The following LTBP2 variants were observed in gnomAD, a reference collection of about 807,000 sequenced individuals.
The protein encoded by LTBP2 is latent transforming growth factor beta binding protein 2, also known as latent-transforming growth factor beta-binding protein 2.
A neutral mutation model predicts 210.6 loss-of-function variants in LTBP2; 103 were observed. That is an observed-to-expected ratio of 0.49 (90% CI 0.42 to 0.58). LTBP2 has a LOEUF of 0.58. LTBP2 is among the 20% of genes least tolerant of loss of function. The pLI is 0.00. For synonymous variants in LTBP2, 1,007 were observed against 1,015.0 expected, an observed-to-expected ratio of 0.99 and a Z score of 0.15; for missense variants, 2,313 against 2,494.5, an observed-to-expected ratio of 0.93 and a Z score of 1.55.
chr14:74,583,055 C>A (rs2088158488), intron 3 of LTBP2, among the ~76,000 whole-genome samples: 1 of 152,226 alleles, frequency 6.6e-6, no homozygotes, highest in African/African-American at 2.4e-5. Context: ...CAGACAACAG[C>A]TGGACAGCAT....
At chr14:74,525,470 T>C (rs1448834104) in intron 14 of LTBP2, among the ~76,000 whole-genome samples, 3 of 152,208 alleles carry the variant, frequency 2.0e-5, no homozygotes, top group Non-Finnish European at 4.4e-5. Context: ...CTTGCAGAAA[T>C]GGTCACTTGT....
intron 2 of LTBP2, among the ~76,000 whole-genome samples, chr14:74,591,074 ACAC>A (rs1161815712): frequency 6.6e-6 from 1 of 152,230 alleles, no homozygotes; most frequent in Non-Finnish European, 1.5e-5. Context: ...CCCCTACGGC[ACAC>A]CACGACTCAC....
intron 33 of LTBP2, 28 bp downstream of exon 33, chr14:74,503,191 G>A: frequency 6.2e-7 from 1 of 1,612,552 alleles, no homozygotes. Flanking sequence ...GCCCAGCCCT[G>A]CAGGGTATCC....
chr14:74,589,098 C>A (rs1018066551), intron 2 of LTBP2, among the ~76,000 whole-genome samples: 1 of 152,180 alleles, frequency 6.6e-6, no homozygotes, highest in Non-Finnish European at 1.5e-5. Flanking sequence ...GACCCCAGGA[C>A]CACACACCCT....
chr14:74,518,542 C>T (rs1181862175), intron 17 of LTBP2, among the ~76,000 whole-genome samples: 1 of 152,206 alleles, frequency 6.6e-6, no homozygotes, highest in Non-Finnish European at 1.5e-5. Flanking sequence ...GCCCAGCTTT[C>T]AGTGTACCTG....
Position 74,500,191 on chromosome 14 carries a change from A to G in LTBP2, c.*693T>C. On this transcript the variant is annotated 3_prime_UTR_variant, in exon 36 of 36. Coordinates refer to ENST00000261978, the MANE Select transcript of LTBP2 (RefSeq NM_000428.3). ...TCATCAACTCCACGTATTTTTCATC[A>G]TGTCCTCTTGCTGCTTTCTCAGGCT... 4.3e-6 allele frequency: 1 copy of G among 234,530 alleles called. No homozygotes were observed. Among genetic ancestry groups the G allele is most frequent in the Non-Finnish European group, 8.4e-6 (1 of 119,042 alleles). 14.5% of individuals were successfully genotyped at this position (234,530 alleles called of 1,614,324 possible). A position where few individuals can be genotyped will look rare whatever the true frequency, so the allele number is the denominator to read the frequency against.
chr14:74,551,754 C>A (rs1460489354), intron 6 of LTBP2, among the ~76,000 whole-genome samples: 1 of 152,228 alleles, frequency 6.6e-6, no homozygotes, highest in Admixed American at 6.5e-5. Context: ...GCAGCTGTCC[C>A]AGAGCACTCT....
At chr14:74,555,778 C>T (rs1186408041) in intron 3 of LTBP2, 85 bp from the exon 4 acceptor site, 1 of 1,065,136 alleles carries the variant, frequency 9.4e-7, no homozygotes, top group African/African-American at 1.6e-5. Flanking sequence ...CACTCTCTGC[C>T]TTTGCACAAG....
At chr14:74,548,524 A>C (rs2087606932) in intron 8 of LTBP2, among the ~76,000 whole-genome samples, 1 of 152,122 alleles carries the variant, frequency 6.6e-6, no homozygotes, top group Non-Finnish European at 1.5e-5. Context: ...AGAATGTGGG[A>C]TATAGAAGTT....
intron 3 of LTBP2, 65 bp from the exon 4 acceptor site, chr14:74,555,758 TC>T: frequency 8.1e-7 from 1 of 1,230,974 alleles, no homozygotes; most frequent in Non-Finnish European, 1.1e-6. Context: ...CCACTCCTCA[TC>T]CAGCCACCCA....
intron 22 of LTBP2, 79 bp downstream of exon 22, chr14:74,509,159 C>A: frequency 1.9e-6 from 3 of 1,604,844 alleles, no homozygotes; most frequent in Non-Finnish European, 2.6e-6. Flanking sequence ...CCTCAGCAGC[C>A]CCCCACCTGC....
In LTBP2 at chr14:74,507,987, C is replaced by T; in HGVS notation, c.3761G>A (p.Ser1254Asn). The T allele has an allele frequency of 6.2e-7, 1 of 1,613,626 alleles. No homozygotes were observed. The highest frequency in any genetic ancestry group is 1.1e-5 in the South Asian group (1 of 91,078). Residue 1254 changes from serine (S) to asparagine (N), a missense_variant, in exon 25 of 36, where the codon AGT becomes AAT. Physicochemically the swap from Ser to Asn is conservative, Grantham distance 46. Around this residue, in one of 3 missense-constraint regions of LTBP2, gnomAD observed 1,867 missense variants for 1,976.9 expected, o/e 0.94. Transcript: ENST00000261978. ...AGAGCCCTTACCCACACACTCTCCA[C>T]TCTCTGGGGAGGGCTGGAAGCCAGT... Reference protein sequence around the residue: ...CETGFQPSPESGECVDIDECE... With the variant: ...CETGFQPSPENGECVDIDECE...
rs1247518974 is a variant in LTBP2, at chr14:74,506,850, A to AGG, written c.3908-29_3908-28dup. ...TGTGGGACAGTGGGAACCAGGATAG[A>AGG]GGATGTGTGTGTGTGTGTGTGTGTG... On this transcript the variant is annotated intron_variant, in intron 26 of 35. Coordinates refer to ENST00000261978, the MANE Select transcript of LTBP2 (RefSeq NM_000428.3). 7 of 1,600,406 alleles carry AGG rather than the reference A, an allele frequency of 4.4e-6. No homozygotes were observed. The African/African-American group carries it at 1.0e-4, about 23-fold the overall frequency.
chr14:74,504,547 G>A (rs1026922545), intron 30 of LTBP2, among the ~76,000 whole-genome samples: 2 of 152,238 alleles, frequency 1.3e-5, no homozygotes, highest in Admixed American at 1.3e-4. Context: ...TTCTGGAGGT[G>A]CAGCTTGGGA....
intron 30 of LTBP2, 42 bp from the exon 31 acceptor site, chr14:74,504,096 G>C: frequency 6.2e-7 from 1 of 1,608,392 alleles, no homozygotes; most frequent in South Asian, 1.1e-5. Context: ...GTGAGAGGCA[G>C]TATGAGGGGT....
chr14:74,565,454 C>G (rs1005961251), intron 3 of LTBP2, among the ~76,000 whole-genome samples: 2 of 151,938 alleles, frequency 1.3e-5, no homozygotes, highest in Non-Finnish European at 2.9e-5. Context: ...TATCAGTGGC[C>G]GAGGAAAGAA....
At chr14:74,509,687 G>A in intron 21 of LTBP2, 47 bp downstream of exon 21, 1 of 1,613,270 alleles carries the variant, frequency 6.2e-7, no homozygotes, top group South Asian at 1.1e-5. Context: ...TGGGAGGTAA[G>A]ACAGCCTATA....
rs535962199 is a variant in LTBP2 at position 74,505,029 on chromosome 14, G to A, written c.4323C>T (p.Gly1441=). Residue 1441 remains glycine (G), a synonymous_variant, in exon 29 of 36, where the codon GGC becomes GGT. Coordinates refer to ENST00000261978, the MANE Select transcript of LTBP2 (RefSeq NM_000428.3). ...GGTCACAGGCATCTCCCCAGCTAGC[G>A]CCCTGGGTGCAGCAGCATTCAGCCT... ...TTQAECCCTQ[G]ASWGDACDLC... is the part of the protein sequence containing the mutation. 2.9e-5 allele frequency: 47 copies of A among 1,614,170 alleles called. No individual in the cohort carries two copies. The highest frequency in any genetic ancestry group is 2.9e-4 in the South Asian group (26 of 91,086).
chr14:74,601,795 A>C (rs568823173), intron 2 of LTBP2, among the ~76,000 whole-genome samples: 2 of 152,278 alleles, frequency 1.3e-5, no homozygotes, highest in South Asian at 4.1e-4. Flanking sequence ...TTCCCAGATG[A>C]AGGCATCCAT....
Sources: gnomAD v4.1 joint callset for allele counts (sites outside exome capture counted in the v4.1 genomes callset) on GRCh38, gnomAD v4.1.1 for gene constraint, gnomAD v4.1.1 regional missense constraint, MANE v1.5 for transcripts, NCBI Gene and HGNC (gene_info 2026-07-23, HGNC 2026-07-21) for gene names.